The following MTRR variants were observed in gnomAD, a reference collection of about 807,000 sequenced individuals.
MTRR encodes 5-methyltetrahydrofolate-homocysteine methyltransferase reductase, also known as methionine synthase reductase.
Under a neutral mutation model 79.2 loss-of-function variants are expected in MTRR, and 63 were observed. The ratio of observed to expected loss-of-function variants is 0.80; its 90% CI spans 0.65 to 0.98. The LOEUF (loss-of-function observed/expected upper bound fraction) is 0.98, where lower values mean the gene tolerates loss of function less well. Among genes scored for constraint, MTRR ranks in the 50% least tolerant of loss-of-function variants. The probability of loss-of-function intolerance (pLI) is 0.00; values close to 1 mark genes in which losing one functional copy is unlikely to be tolerated. For missense variants in MTRR, 895 were observed against 839.6 expected (o/e 1.07, Z -0.82); for synonymous variants, 355 against 313.3 (o/e 1.13, Z -1.41).
chr5:7,852,267 T>G (rs1746098238), intron 1 of MTRR, among the ~76,000 whole-genome samples: 1 of 152,242 alleles, frequency 6.6e-6, no homozygotes, highest in African/African-American at 2.4e-5. Flanking sequence ...TGGCTTAAGA[T>G]GCCTCTCTCA....
At chr5:7,877,403 CTATT>C (rs550436309) in intron 4 of MTRR, among the ~76,000 whole-genome samples, 118 of 146,738 alleles carry the variant, frequency 8.0e-4, no homozygotes, top group Admixed American at 3.8e-3. Flanking sequence ...AAGGCTTTAA[CTATT>C]TATTTAGTCC....
chr5:7,897,318 C>A (rs951584882), intron 14 of MTRR, 71 bp downstream of exon 14: 3 of 1,478,786 alleles, frequency 2.0e-6, no homozygotes, highest in South Asian at 1.1e-5. Flanking sequence ...AAAAAAGGAC[C>A]GAGAAGCCAA....
At chr5:7,887,140 A>G (rs1330073492) in intron 8 of MTRR, among the ~76,000 whole-genome samples, 2 of 152,120 alleles carry the variant, frequency 1.3e-5, no homozygotes, top group East Asian at 1.9e-4. Flanking sequence ...GCCACTTCCT[A>G]CAGTTGTTAA....
upstream of MTRR, chr5:7,867,911 T>C (rs1747137900): frequency 6.2e-7 from 1 of 1,614,028 alleles, no homozygotes; most frequent in African/African-American, 1.3e-5. Context: ...ATGGGCATGA[T>C]GGAATTTGAC....
intron 2 of MTRR, 142 bp from the exon 3 acceptor site, chr5:7,873,231 C>A: frequency 3.1e-6 from 3 of 969,268 alleles, no homozygotes; most frequent in South Asian, 1.3e-5. Context: ...AGCGCCTAGT[C>A]ACTGGACTGG....
Position 7,878,282 on chromosome 5 carries a change from C to T in MTRR, c.740C>T (p.Pro247Leu). Residue 247 changes from proline (P) to leucine (L), a missense_variant, in exon 5 of 15, where the codon CCA (proline) becomes CTA (leucine). Pro to Leu is a moderately conservative substitution (Grantham distance 98). Coordinates refer to ENST00000440940, the MANE Select transcript of MTRR (RefSeq NM_002454.3). ...QASLNIPGLPPEYLQVHLQES... is the reference protein window; with the variant it reads ...QASLNIPGLPLEYLQVHLQES... ...TCTCTGAATATTCCTGGTTTACCCCCAGAATATTTACAGGTACATCTGCAG... is the reference window on the plus strand; with the variant it reads ...TCTCTGAATATTCCTGGTTTACCCCTAGAATATTTACAGGTACATCTGCAG... 6.2e-7 allele frequency: 1 copy of T among 1,614,192 alleles called. No individual in the cohort carries two copies. The highest frequency in any genetic ancestry group is 1.1e-5 in the South Asian group (1 of 91,086).
intron 2 of MTRR, chr5:7,872,261 A>G: frequency 2.2e-6 from 1 of 454,854 alleles, no homozygotes; most frequent in Non-Finnish European, 4.4e-6. Context: ...TTTGGAGCCA[A>G]ATTCGATGGT....
rs973962567 is a variant in MTRR, at chr5:7,878,008, T to C, written c.466T>C (p.Ser156Pro). The C allele has an allele frequency of 6.2e-7, 1 of 1,613,498 alleles. No homozygotes were observed. The stretch of plus-strand genomic sequence containing the variant: ...GCCAGCCCTCAGAAAGCATTTTAGG[T>C]CAAGCAGAGGACAAGAGGAGATAAG... ...LWPALRKHFR[S>P]SRGQEEISGA... Residue 156 changes from serine to proline, a missense_variant, in exon 5 of 15, where the codon TCA becomes CCA. By Grantham distance (74) the Ser-to-Pro change is moderately conservative. Coordinates refer to ENST00000440940, the MANE Select transcript of MTRR (RefSeq NM_002454.3).
intron 2 of MTRR, among the ~76,000 whole-genome samples, chr5:7,871,355 A>G (rs533216227): frequency 2.0e-5 from 3 of 152,356 alleles, no homozygotes; most frequent in African/African-American, 7.2e-5. Context: ...TTTGTGAAAT[A>G]GAATTTAAAG....
At chr5:7,876,133 A>G (rs879743658) in intron 4 of MTRR, among the ~76,000 whole-genome samples, 1 of 152,216 alleles carries the variant, frequency 6.6e-6, no homozygotes, top group Non-Finnish European at 1.5e-5. Flanking sequence ...GAAAATTACA[A>G]ATTCAGCAAA....
chr5:7,851,254 C>A (rs1321637787), exon 1 of MTRR: 5 of 414,806 alleles, frequency 1.2e-5, no homozygotes, highest in Middle Eastern at 6.4e-4. Context: ...CACCTGGGGT[C>A]TCTCCTTCCT....
At chr5:7,899,844 C>T (rs896421267) in intron 14 of MTRR, 70 bp from the exon 15 acceptor site, 10 of 1,574,776 alleles carry the variant, frequency 6.4e-6, no homozygotes, top group African/African-American at 5.4e-5. Flanking sequence ...AGGAATTAGA[C>T]TTGTGAATTA....
chr5:7,857,665 G>T (rs904965370), intron 1 of MTRR, among the ~76,000 whole-genome samples: 1 of 152,190 alleles, frequency 6.6e-6, no homozygotes, highest in Admixed American at 6.5e-5. Context: ...GGTGCCGGAG[G>T]CCTCACCACT....
At chr5:7,868,762 G>T (rs1747269555), upstream of MTRR, among the ~76,000 whole-genome samples, 2 of 152,168 alleles carry the variant, frequency 1.3e-5, no homozygotes, top group South Asian at 2.1e-4. Flanking sequence ...GGTGCGGGGG[G>T]ATTTGGCAAC....
At position 7,870,794 on chromosome 5, in the gene MTRR, G is replaced by A. The variant is rs1375881293; in HGVS notation, c.-1G>A. On this transcript the variant is annotated 5_prime_UTR_variant, in exon 2 of 15. Coordinates refer to ENST00000440940, the MANE Select transcript of MTRR (RefSeq NM_002454.3). The stretch of plus-strand genomic sequence containing the variant: ...GTTTCACTGTTACATGCCTTGAAGT[G>A]ATGAGGAGGTTTCTGTTACTATATG... The A allele has an allele frequency of 3.1e-6, 5 of 1,614,206 alleles. No individual in the cohort carries two copies. Among genetic ancestry groups the A allele is most frequent in the Non-Finnish European group, 3.4e-6 (4 of 1,180,030 alleles).
intron 14 of MTRR, among the ~76,000 whole-genome samples, chr5:7,899,104 A>G (rs143843312): frequency 1.2e-3 from 180 of 152,174 alleles, no homozygotes; most frequent in African/African-American, 4.0e-3. Context: ...TCTCTCAGGA[A>G]CTCAGAGGGA....
At chr5:7,861,364 C>A (rs940640087) in intron 1 of MTRR, 2 of 638,358 alleles carry the variant, frequency 3.1e-6, no homozygotes, top group East Asian at 3.0e-5. Flanking sequence ...TTGGCTATTA[C>A]TATGTGCCAA....
At chr5:7,873,577 G>A in intron 3 of MTRR, 51 bp downstream of exon 3, 1 of 1,594,196 alleles carries the variant, frequency 6.3e-7, no homozygotes, top group Non-Finnish European at 8.6e-7. Context: ...TGATATCTCT[G>A]GTATCTGAAT....
intron 1 of MTRR, among the ~76,000 whole-genome samples, chr5:7,852,549 G>C (rs748898904): frequency 6.6e-6 from 1 of 152,038 alleles, no homozygotes; most frequent in Non-Finnish European, 1.5e-5. Flanking sequence ...AGCCCCAGGG[G>C]ACCTAGCAAC....
Sources: allele counts gnomAD v4.1 joint callset (sites outside exome capture counted in the v4.1 genomes callset), GRCh38; gene constraint gnomAD v4.1.1; transcripts MANE v1.5; gene names NCBI Gene and HGNC (gene_info 2026-07-23, HGNC 2026-07-21).